The following LIN7A variants were observed in gnomAD, a reference collection of about 807,000 sequenced individuals.
LIN7A encodes protein lin-7 homolog A.
Under a neutral mutation model 29.8 loss-of-function variants are expected in LIN7A, and 25 were observed. That is an observed-to-expected ratio of 0.84 (90% CI 0.61 to 1.17). The LOEUF (loss-of-function observed/expected upper bound fraction) is 1.17. Ranked by LOEUF, LIN7A falls within the 50% of genes most tolerant of loss-of-function variation. The pLI is 0.00. For synonymous variants in LIN7A, 118 were observed against 107.5 expected (o/e 1.10, Z -0.60); for missense variants, 239 against 287.0 (o/e 0.83, Z 1.21).
chr12:80,889,860 A>G (rs1051564919), intron 1 of LIN7A, among the ~76,000 whole-genome samples: 8 of 152,110 alleles, frequency 5.3e-5, no homozygotes, highest in African/African-American at 1.9e-4. Flanking sequence ...TTTGGTTACC[A>G]TTGTATCCTC....
Position 80,832,706 on chromosome 12 carries a change from A to G in LIN7A, c.483+13024T>C, listed in dbSNP as rs952496877. On this transcript the variant is annotated intron_variant, in intron 4 of 5. Coordinates refer to ENST00000552864, the MANE Select transcript of LIN7A (RefSeq NM_004664.4). ...CTTTAGCTACAAACATGTTGATGCT[A>G]TGATTTGGTAGAAGTCCATTCTATT... The G allele has an allele frequency of 2.0e-4, 86 of 431,382 alleles. No homozygotes were observed. In the Admixed American group the frequency reaches 2.7e-3, roughly 13 times the overall value. 26.7% of individuals were successfully genotyped at this position (431,382 alleles called of 1,614,324 possible). A position where few individuals can be genotyped will look rare whatever the true frequency, so the allele number is the denominator to read the frequency against.
chr12:80,870,932 A>T (rs1325320412), intron 2 of LIN7A, among the ~76,000 whole-genome samples: 3 of 152,252 alleles, frequency 2.0e-5, no homozygotes, highest in Non-Finnish European at 2.9e-5. Flanking sequence ...TATTATTTAA[A>T]CAGCAAAGAT....
intron 4 of LIN7A, among the ~76,000 whole-genome samples, chr12:80,836,893 T>C (rs1872609404): frequency 6.6e-6 from 1 of 152,166 alleles, no homozygotes; most frequent in Non-Finnish European, 1.5e-5. Flanking sequence ...CTGAAGGTCT[T>C]TGCTGTGCAG....
At chr12:80,930,751 C>CTACA (rs1294096927) in intron 1 of LIN7A, among the ~76,000 whole-genome samples, 1 of 152,200 alleles carries the variant, frequency 6.6e-6, no homozygotes, top group East Asian at 1.9e-4. Flanking sequence ...TAGGAGCCAG[C>CTACA]TACATACACA....
chr12:80,902,007 A>C (rs1037941549), intron 1 of LIN7A, among the ~76,000 whole-genome samples: 10 of 152,102 alleles, frequency 6.6e-5, no homozygotes, highest in African/African-American at 2.2e-4. Context: ...GCAGTATAAA[A>C]GATTATTTAT....
At chr12:80,885,955 T>C (rs1168631912) in intron 2 of LIN7A, among the ~76,000 whole-genome samples, 1 of 152,096 alleles carries the variant, frequency 6.6e-6, no homozygotes, top group Non-Finnish European at 1.5e-5. Context: ...CAAAAGCTTG[T>C]CCTGCTTTCT....
intron 3 of LIN7A, among the ~76,000 whole-genome samples, chr12:80,847,520 T>A (rs1295563786): frequency 6.6e-6 from 1 of 152,240 alleles, no homozygotes; most frequent in Admixed American, 6.5e-5. Context: ...TTATTTCTTA[T>A]ACATTATTAG....
At chr12:80,834,092 A>T (rs998984909) in intron 4 of LIN7A, among the ~76,000 whole-genome samples, 1 of 152,194 alleles carries the variant, frequency 6.6e-6, no homozygotes, top group Admixed American at 6.5e-5. Flanking sequence ...AGAAGCTCAG[A>T]GACTGCCCAG....
chr12:80,937,553 C>T (rs1220554407), intron 1 of LIN7A, 88 bp downstream of exon 1: 10 of 944,830 alleles, frequency 1.1e-5, no homozygotes, highest in Admixed American at 3.7e-5. Context: ...TGCCTGAGCG[C>T]GTCCCATGTC....
At chr12:80,849,846 T>C (rs1873245225) in intron 2 of LIN7A, among the ~76,000 whole-genome samples, 1 of 152,158 alleles carries the variant, frequency 6.6e-6, no homozygotes, top group Non-Finnish European at 1.5e-5. Context: ...ATTCAAATAT[T>C]GTCTCCTCTA....
intron 5 of LIN7A, among the ~76,000 whole-genome samples, chr12:80,806,985 T>C (rs190401468): frequency 1.2e-3 from 176 of 151,768 alleles, no homozygotes; most frequent in Admixed American, 2.0e-3. Flanking sequence ...AGAAATAACA[T>C]AGTTTGTATA....
intron 5 of LIN7A, among the ~76,000 whole-genome samples, chr12:80,798,556 C>A (rs774973399): frequency 1.3e-5 from 2 of 152,122 alleles, no homozygotes; most frequent in Non-Finnish European, 2.9e-5. Flanking sequence ...TATTATATAA[C>A]AACACATAAG....
At chr12:80,930,760 C>T (rs1238245786) in intron 1 of LIN7A, among the ~76,000 whole-genome samples, 4 of 152,214 alleles carry the variant, frequency 2.6e-5, no homozygotes, top group African/African-American at 4.8e-5. Flanking sequence ...GCTACATACA[C>T]AGAGAGGCAA....
intron 1 of LIN7A, chr12:80,935,831 G>T: frequency 2.1e-6 from 1 of 484,530 alleles, no homozygotes; most frequent in Non-Finnish European, 4.5e-6. Context: ...CTGTGAACAA[G>T]AGCAAACTTT....
chr12:80,815,123 CT>C (rs1241901473), intron 4 of LIN7A, among the ~76,000 whole-genome samples: 2 of 152,006 alleles, frequency 1.3e-5, no homozygotes, highest in African/African-American at 2.4e-5. Context: ...TTTTTGTGGC[CT>C]TTTTTTCCCC....
At chr12:80,906,776 T>G (rs1489043638) in intron 1 of LIN7A, among the ~76,000 whole-genome samples, 2 of 151,966 alleles carry the variant, frequency 1.3e-5, no homozygotes, top group Non-Finnish European at 2.9e-5. Flanking sequence ...CGACATGCAA[T>G]GTAGCCATGT....
chr12:80,798,945 C>T lies in LIN7A; in HGVS notation c.*1-1219G>A, dbSNP rs540525977. On this transcript the variant is annotated intron_variant, in intron 5 of 5. Transcript: ENST00000552864. ...ATGGGGTTTCCTCATGTGAGCCAGT[C>T]TGGTCTCAAACTCCTGACCGCAGGT... Among the ~76,000 whole-genome samples, 16 of 152,298 alleles carry T rather than the reference C, an allele frequency of 1.1e-4. No individual in the cohort carries two copies. In the East Asian group the frequency reaches 3.1e-3, roughly 29 times the overall value.
chr12:80,930,009 GT>G (rs1366509442), intron 1 of LIN7A, among the ~76,000 whole-genome samples: 2 of 152,080 alleles, frequency 1.3e-5, no homozygotes, highest in African/African-American at 4.8e-5. Context: ...TTATAGCCAT[GT>G]TGTGACTCCC....
At chr12:80,921,274 T>A (rs1208842037) in intron 1 of LIN7A, among the ~76,000 whole-genome samples, 1 of 151,778 alleles carries the variant, frequency 6.6e-6, no homozygotes, top group Non-Finnish European at 1.5e-5. Context: ...TCCAGAACCA[T>A]AAGAAATATA....
Sources: gnomAD v4.1 joint callset for allele counts (sites outside exome capture counted in the v4.1 genomes callset) on GRCh38, gnomAD v4.1.1 for gene constraint, MANE v1.5 for transcripts, NCBI Gene and HGNC (gene_info 2026-07-23, HGNC 2026-07-21) for gene names.